CHKA: variants seen among roughly 807,000 people sequenced by gnomAD.
CHKA encodes CHETK-alpha.
A neutral mutation model predicts 60.1 loss-of-function variants in CHKA; 34 were observed. The ratio of observed to expected loss-of-function variants is 0.57; its 90% confidence interval spans 0.43 to 0.75. The LOEUF (loss-of-function observed/expected upper bound fraction) is 0.75. Ranked by LOEUF, CHKA falls within the 30% of genes least tolerant of loss-of-function variation. CHKA has a pLI of 0.00. For synonymous variants in CHKA, 217 were observed against 223.1 expected (o/e 0.97, Z 0.24); for missense variants, 563 against 561.3 (o/e 1.00, Z -0.03).
intron 2 of CHKA, among the ~76,000 whole-genome samples, chr11:68,084,102 C>T (rs912697832): frequency 6.6e-6 from 1 of 151,382 alleles, no homozygotes; most frequent in Admixed American, 6.6e-5. Flanking sequence ...AAAAAATTAG[C>T]CGGGCATAGT....
intron 1 of CHKA, among the ~76,000 whole-genome samples, chr11:68,118,152 C>A (rs190917748): frequency 1.8e-4 from 28 of 152,204 alleles, no homozygotes; most frequent in Admixed American, 6.5e-4. Context: ...GCTCCAGAAA[C>A]GGATCGGGGC....
Position 68,060,223 on chromosome 11 carries a change from G to A in CHKA, c.1314+1730C>T, listed in dbSNP as rs535167303. On this transcript the variant is annotated intron_variant, in intron 11 of 11. Coordinates refer to ENST00000265689, the MANE Select transcript of CHKA (RefSeq NM_001277.3). ...TTTTTTTTGTATTTTTAGTAGAGAC[G>A]GGGTTTCACCGTGTTTGCCAGGATG... Among the ~76,000 whole-genome samples the A allele has an allele frequency of 1.6e-3, 246 of 150,450 alleles. 3 individuals are homozygous for A. The highest frequency in any genetic ancestry group is 5.8e-3 in the African/African-American group (239 of 40,926).
chr11:68,120,611 C>T (rs1858589734), intron 1 of CHKA, among the ~76,000 whole-genome samples: 2 of 152,206 alleles, frequency 1.3e-5, no homozygotes, highest in Non-Finnish European at 2.9e-5. Flanking sequence ...TGTTTGTGGA[C>T]GGCCTGCGGC....
At chr11:68,098,134 G>A (rs1397779269) in intron 1 of CHKA, among the ~76,000 whole-genome samples, 1 of 151,918 alleles carries the variant, frequency 6.6e-6, no homozygotes, top group African/African-American at 2.4e-5. Context: ...GCCGGGTGTG[G>A]TGGCACACAC....
chr11:68,090,946 T>C (rs1857331294), intron 2 of CHKA, among the ~76,000 whole-genome samples: 1 of 152,212 alleles, frequency 6.6e-6, no homozygotes, highest in Non-Finnish European at 1.5e-5. Context: ...TTCCGCCAAC[T>C]GGCACAGGTT....
intron 3 of CHKA, among the ~76,000 whole-genome samples, chr11:68,076,163 G>A (rs934631836): frequency 2.0e-5 from 3 of 152,100 alleles, no homozygotes; most frequent in East Asian, 1.9e-4. Context: ...ACCATCATTC[G>A]TATAATCCTC....
At chr11:68,116,139 G>A (rs952347789) in intron 1 of CHKA, among the ~76,000 whole-genome samples, 4 of 152,184 alleles carry the variant, frequency 2.6e-5, no homozygotes, top group African/African-American at 9.7e-5. Context: ...TAGTGGGTCT[G>A]TGGAACGTAA....
intron 1 of CHKA, among the ~76,000 whole-genome samples, chr11:68,104,209 CT>C: frequency 6.6e-6 from 1 of 152,088 alleles, no homozygotes; most frequent in Non-Finnish European, 1.5e-5. Flanking sequence ...GAGGACAGTA[CT>C]TATATTAAGC....
intron 1 of CHKA, among the ~76,000 whole-genome samples, chr11:68,100,755 A>T (rs942107869): frequency 6.6e-6 from 1 of 151,700 alleles, no homozygotes; most frequent in Non-Finnish European, 1.5e-5. Flanking sequence ...TACAGTGACA[A>T]TAACACACTT....
intron 1 of CHKA, among the ~76,000 whole-genome samples, chr11:68,107,284 C>T (rs891170595): frequency 6.6e-6 from 1 of 151,928 alleles, no homozygotes; most frequent in Non-Finnish European, 1.5e-5. Context: ...TACCAAATGG[C>T]GAGATGCGGG....
intron 1 of CHKA, among the ~76,000 whole-genome samples, chr11:68,100,789 G>A (rs2153025555): frequency 6.6e-6 from 1 of 151,542 alleles, no homozygotes; most frequent in East Asian, 1.9e-4. Flanking sequence ...CACAATGACA[G>A]GAAGGAAACA....
intron 1 of CHKA, among the ~76,000 whole-genome samples, chr11:68,119,035 G>GAC (rs1565198323): frequency 4.6e-5 from 7 of 152,262 alleles, no homozygotes; most frequent in Admixed American, 1.3e-4. Flanking sequence ...TCTCCTTTAG[G>GAC]TTTTCCATTT....
intron 9 of CHKA, among the ~76,000 whole-genome samples, chr11:68,065,159 T>C (rs1176303403): frequency 6.6e-6 from 1 of 152,130 alleles, no homozygotes; most frequent in Non-Finnish European, 1.5e-5. Flanking sequence ...CTCTCCATAG[T>C]GTGAAATGAA....
chr11:68,073,378 G>A (rs1856685144), intron 4 of CHKA, among the ~76,000 whole-genome samples: 1 of 152,056 alleles, frequency 6.6e-6, no homozygotes, highest in South Asian at 2.1e-4. Flanking sequence ...TCTCGGCCGG[G>A]CGCGGTGGTT....
At chr11:68,082,972 G>A (rs897207635) in intron 2 of CHKA, among the ~76,000 whole-genome samples, 6 of 152,196 alleles carry the variant, frequency 3.9e-5, no homozygotes, top group African/African-American at 1.4e-4. Flanking sequence ...TTTGATGTGC[G>A]ATGTGGTAGG....
intron 2 of CHKA, among the ~76,000 whole-genome samples, chr11:68,090,375 A>G (rs1262031096): frequency 2.0e-5 from 3 of 152,220 alleles, no homozygotes; most frequent in Admixed American, 2.0e-4. Flanking sequence ...TCCTAACACA[A>G]TGAGGAAAAC....
At chr11:68,068,853 C>T in intron 7 of CHKA, 26 bp downstream of exon 7, 1 of 1,559,336 alleles carries the variant, frequency 6.4e-7, no homozygotes, top group Non-Finnish European at 8.8e-7. Context: ...CAAACCTCAT[C>T]TGTAACAGAA....
intron 1 of CHKA, among the ~76,000 whole-genome samples, chr11:68,115,920 A>G (rs1344610936): frequency 6.6e-6 from 1 of 152,206 alleles, no homozygotes; most frequent in African/African-American, 2.4e-5. Flanking sequence ...GTTTAAAATG[A>G]AAAGTAGGGA....
intron 11 of CHKA, among the ~76,000 whole-genome samples, chr11:68,058,239 C>T (rs1856098928): frequency 6.6e-6 from 1 of 152,240 alleles, no homozygotes; most frequent in African/African-American, 2.4e-5. Flanking sequence ...TTCTGTGCTT[C>T]AGAGAAGTCT....
Sources: allele counts gnomAD v4.1 joint callset (sites outside exome capture counted in the v4.1 genomes callset), GRCh38; gene constraint gnomAD v4.1.1; transcripts MANE v1.5; gene names NCBI Gene and HGNC (gene_info 2026-07-23, HGNC 2026-07-21).